The following TMEM132E variants were observed in gnomAD, a reference collection of about 807,000 sequenced individuals.
The protein encoded by TMEM132E is transmembrane protein 132E.
A neutral mutation model predicts 78.5 loss-of-function variants in TMEM132E; 49 were observed. The observed-to-expected ratio is 0.62, with a 90% CI of 0.50 to 0.79. TMEM132E has a LOEUF of 0.79. Among genes scored for constraint, TMEM132E ranks in the 30% least tolerant of loss-of-function variants. TMEM132E has a pLI of 0.00. For synonymous variants in TMEM132E, 715 were observed against 670.6 expected (o/e 1.07, Z -1.02); for missense variants, 1,403 against 1,470.9 (o/e 0.95, Z 0.75).
chr17:34,591,819 G>A (rs1325292834), intron 1 of TMEM132E, among the ~76,000 whole-genome samples: 1 of 152,234 alleles, frequency 6.6e-6, no homozygotes, highest in Non-Finnish European at 1.5e-5. Flanking sequence ...CTGCCCTGCT[G>A]CAGTGTAGCT....
At chr17:34,634,265 T>C (rs1907444820) in intron 6 of TMEM132E, among the ~76,000 whole-genome samples, 1 of 152,252 alleles carries the variant, frequency 6.6e-6, no homozygotes, top group African/African-American at 2.4e-5. Context: ...AGTTTATTTA[T>C]GTGTCTCTCT....
intron 1 of TMEM132E, among the ~76,000 whole-genome samples, chr17:34,593,013 A>G (rs1905928478): frequency 6.6e-6 from 1 of 152,194 alleles, no homozygotes; most frequent in South Asian, 2.1e-4. Context: ...TATCTCACTT[A>G]ATCTTGTCTA....
At chr17:34,601,698 G>C (rs1001916590) in intron 1 of TMEM132E, among the ~76,000 whole-genome samples, 1 of 152,230 alleles carries the variant, frequency 6.6e-6, no homozygotes, top group Non-Finnish European at 1.5e-5. Context: ...TCTCTTCTCT[G>C]TAATGGCTCC....
At chr17:34,585,570 G>A (rs890553936) in intron 1 of TMEM132E, among the ~76,000 whole-genome samples, 2 of 152,198 alleles carry the variant, frequency 1.3e-5, no homozygotes, top group Non-Finnish European at 2.9e-5. Context: ...GACTGGCCAA[G>A]CTCACTCTGC....
intron 1 of TMEM132E, among the ~76,000 whole-genome samples, chr17:34,589,677 T>A (rs1351379743): frequency 1.3e-5 from 2 of 152,086 alleles, no homozygotes; most frequent in Non-Finnish European, 2.9e-5. Context: ...TACCTGTTGC[T>A]CTGACCTTAC....
In TMEM132E at chr17:34,604,328, C is replaced by T. The variant is rs566867634; in HGVS notation, c.68-21799C>T. Reference sequence around the variant, plus strand: ...TGGACCATGACAGCTGCATTCTGAGCGCTCTCCCTAGTCTTGGTCTCCCCA... The same window carrying T: ...TGGACCATGACAGCTGCATTCTGAGTGCTCTCCCTAGTCTTGGTCTCCCCA... On this transcript the variant is annotated intron_variant, in intron 1 of 8. Transcript: ENST00000631683. Among the ~76,000 whole-genome samples, 23 of 152,302 alleles carry T rather than the reference C, an allele frequency of 1.5e-4. No homozygotes were observed. In the East Asian group the frequency reaches 2.3e-3, roughly 15 times the overall value.
At chr17:34,621,145 G>A (rs555375508) in intron 1 of TMEM132E, among the ~76,000 whole-genome samples, 8 of 152,278 alleles carry the variant, frequency 5.3e-5, no homozygotes, top group Admixed American at 1.3e-4. Flanking sequence ...ACTGAGGCTC[G>A]GAGGGGCAGA....
At chr17:34,621,251 G>A (rs1394786647) in intron 1 of TMEM132E, among the ~76,000 whole-genome samples, 1 of 152,164 alleles carries the variant, frequency 6.6e-6, no homozygotes, top group African/African-American at 2.4e-5. Flanking sequence ...CACAGTTCTG[G>A]GGGCTGGAAG....
chr17:34,581,732 T>G (rs1905490358), intron 1 of TMEM132E, among the ~76,000 whole-genome samples: 1 of 150,184 alleles, frequency 6.7e-6, no homozygotes, highest in Non-Finnish European at 1.5e-5. Flanking sequence ...AGGGCGGGGG[T>G]CTGGGCACCC....
In TMEM132E at chr17:34,629,114, TGGCCAC is replaced by T. The variant is rs781741744; in HGVS notation, c.1252_1257del (p.His418_Gly419del). 1 of 1,613,454 alleles carries T rather than the reference TGGCCAC, an allele frequency of 6.2e-7. No individual in the cohort carries two copies. The highest frequency in any genetic ancestry group is 1.7e-5 in the Admixed American group (1 of 59,940). ...GGATCATGTGGCACATTGACTACCG[TGGCCAC>T]GGCGCCCTGCCTGACCTGGAGCGGG... On this transcript the variant is annotated inframe_deletion, in exon 4 of 9. Coordinates refer to ENST00000631683, the MANE Select transcript of TMEM132E (RefSeq NM_001304438.2).
chr17:34,600,426 AGTGT>A (rs3220449), intron 1 of TMEM132E, among the ~76,000 whole-genome samples: 127 of 144,030 alleles, frequency 8.8e-4, no homozygotes, highest in South Asian at 2.1e-3. Context: ...AGCGTATATG[AGTGT>A]GTGTGTGTGT....
intron 1 of TMEM132E, among the ~76,000 whole-genome samples, chr17:34,612,882 G>A (rs546213906): frequency 4.3e-4 from 66 of 152,174 alleles, no homozygotes; most frequent in African/African-American, 1.6e-3. Flanking sequence ...GCAGTGGGGT[G>A]GGAAAGATGC....
intron 1 of TMEM132E, among the ~76,000 whole-genome samples, chr17:34,620,353 T>C (rs1445853673): frequency 1.3e-5 from 2 of 152,262 alleles, no homozygotes; most frequent in East Asian, 1.9e-4. Flanking sequence ...CCAACTGTTC[T>C]ATAGTATTAT....
chr17:34,594,971 G>A (rs568962423), intron 1 of TMEM132E, among the ~76,000 whole-genome samples: 2 of 152,322 alleles, frequency 1.3e-5, no homozygotes, highest in East Asian at 3.9e-4. Flanking sequence ...TGGCTGATAT[G>A]AGACAAGGAT....
chr17:34,614,647 AG>A (rs2142069899), intron 1 of TMEM132E: 1 of 152,356 alleles, frequency 6.6e-6, no homozygotes, highest in Non-Finnish European at 1.5e-5. Flanking sequence ...TGCACTTGGA[AG>A]GGCCAGAGCT....
At position 34,637,418 on chromosome 17, in the gene TMEM132E, C is replaced by T; in HGVS notation, c.2411C>T (p.Thr804Met). The stretch of plus-strand genomic sequence containing the variant: ...ACCAAACGCAAGAGTGTGCTCGCCA[C>T]GACCCCTGTGGGCCTGCGGGTGCAC... Reference protein sequence around the residue: ...QKTKRKSVLATTPVGLRVHFG... With the variant: ...QKTKRKSVLAMTPVGLRVHFG... The change falls in exon 9 of 9, where the codon ACG becomes ATG. Residue 804 changes from threonine (T) to methionine (M), a missense_variant. Around this residue, in one of 3 missense-constraint regions of TMEM132E, gnomAD observed 888 missense variants for 952.8 expected, o/e 0.93. Transcript: ENST00000631683. 1.2e-6 allele frequency: 2 copies of T among 1,613,754 alleles called. No homozygotes were observed. The highest frequency in any genetic ancestry group is 1.7e-6 in the Non-Finnish European group (2 of 1,180,034).
intron 1 of TMEM132E, among the ~76,000 whole-genome samples, chr17:34,606,815 T>A (rs1426368894): frequency 6.6e-6 from 1 of 152,204 alleles, no homozygotes; most frequent in African/African-American, 2.4e-5. Flanking sequence ...CTGTGTGACC[T>A]GCCTGGCTGC....
chr17:34,622,194 C>T (rs747466928), intron 1 of TMEM132E, among the ~76,000 whole-genome samples: 11 of 152,218 alleles, frequency 7.2e-5, no homozygotes, highest in Non-Finnish European at 1.6e-4. Context: ...ACCAGTCTTA[C>T]CTCTTCCCTC....
At chr17:34,602,010 A>G (rs1175711064) in intron 1 of TMEM132E, among the ~76,000 whole-genome samples, 2 of 152,214 alleles carry the variant, frequency 1.3e-5, no homozygotes, top group Non-Finnish European at 2.9e-5. Context: ...CAGTCTCCAC[A>G]AGGCACTGGG....
Sources: allele counts gnomAD v4.1 joint callset (sites outside exome capture counted in the v4.1 genomes callset), GRCh38; gene constraint gnomAD v4.1.1; regional missense constraint gnomAD v4.1.1; transcripts MANE v1.5; gene names NCBI Gene and HGNC (gene_info 2026-07-23, HGNC 2026-07-21).